The following DPYS variants were observed in gnomAD, a reference collection of about 807,000 sequenced individuals.
The protein encoded by DPYS is dihydropyrimidine amidohydrolase.
Under a neutral mutation model 50.3 loss-of-function variants are expected in DPYS, and 39 were observed. That is an observed-to-expected ratio of 0.78 (90% CI 0.60 to 1.01). The LOEUF (loss-of-function observed/expected upper bound fraction) is 1.01, where lower values mean the gene tolerates loss of function less well. Among genes scored for constraint, DPYS ranks in the 50% least tolerant of loss-of-function variants. The pLI is 0.00. For missense variants in DPYS, 659 were observed against 680.9 expected, an observed-to-expected ratio of 0.97 and a Z score of 0.36; for synonymous variants, 245 against 250.7, an observed-to-expected ratio of 0.98 and a Z score of 0.22.
chr8:104,450,461 T>A (rs1297557360), intron 2 of DPYS, among the ~76,000 whole-genome samples: 1 of 152,202 alleles, frequency 6.6e-6, no homozygotes, highest in Non-Finnish European at 1.5e-5. Context: ...GATTGCTGAA[T>A]TAAGTGCAAT....
intron 1 of DPYS, among the ~76,000 whole-genome samples, chr8:104,454,192 C>T (rs1813850582): frequency 6.6e-6 from 1 of 152,040 alleles, no homozygotes; most frequent in Admixed American, 6.6e-5. Context: ...TCAAGACAAG[C>T]CTGGCCAACA....
At chr8:104,417,866 C>T (rs1454258775) in intron 7 of DPYS, among the ~76,000 whole-genome samples, 1 of 152,190 alleles carries the variant, frequency 6.6e-6, no homozygotes, top group East Asian at 1.9e-4. Flanking sequence ...AATTCTCTCT[C>T]GCCATCCATC....
chr8:104,466,227 A>G (rs1219898392), intron 1 of DPYS, among the ~76,000 whole-genome samples: 3 of 152,172 alleles, frequency 2.0e-5, no homozygotes, highest in Non-Finnish European at 4.4e-5. Context: ...ATGGGTCGAA[A>G]TGGTTGGGAG....
chr8:104,451,455 G>C, intron 1 of DPYS, 51 bp from the exon 2 acceptor site: 7 of 1,610,064 alleles, frequency 4.3e-6, no homozygotes, highest in Non-Finnish European at 5.9e-6. Context: ...TCCTAGTTAA[G>C]TCATTTATCA....
At position 104,447,743 on chromosome 8, in the gene DPYS, TC is replaced by T. The variant is rs570278868; in HGVS notation, c.424-241del. On this transcript the variant is annotated intron_variant, in intron 2 of 9. Transcript: ENST00000351513. ...AAATCATGAAAAAGTGAATAGCTTT[TC>T]CCAAAGTGCTTTATTTCTGTACTTG... Among the ~76,000 whole-genome samples the T allele has an allele frequency of 3.9e-3, 591 of 152,332 alleles. 5 individuals are homozygous for T. The highest frequency in any genetic ancestry group is 0.014 in the African/African-American group (568 of 41,582).
At chr8:104,444,152 C>T in intron 4 of DPYS, 96 bp downstream of exon 4, 1 of 1,350,804 alleles carries the variant, frequency 7.4e-7, no homozygotes, top group Non-Finnish European at 1.0e-6. Context: ...TGGAAATCCA[C>T]ATGCACTTTC....
At chr8:104,436,430 C>A (rs562073347) in intron 4 of DPYS, among the ~76,000 whole-genome samples, 3 of 151,932 alleles carry the variant, frequency 2.0e-5, no homozygotes, top group Non-Finnish European at 2.9e-5. Flanking sequence ...GCCAACATGG[C>A]GAAACCCTGT....
chr8:104,440,914 A>G (rs1432554270), intron 4 of DPYS, among the ~76,000 whole-genome samples: 1 of 152,210 alleles, frequency 6.6e-6, no homozygotes, highest in Non-Finnish European at 1.5e-5. Flanking sequence ...TAGATAATAA[A>G]TGAGTACAGA....
At chr8:104,402,692 C>T (rs1048784826) in intron 7 of DPYS, among the ~76,000 whole-genome samples, 2 of 152,074 alleles carry the variant, frequency 1.3e-5, no homozygotes, top group Non-Finnish European at 2.9e-5. Flanking sequence ...ACATCCTTCC[C>T]GAAAGTACAC....
At chr8:104,460,480 TG>T (rs1814085995) in intron 1 of DPYS, among the ~76,000 whole-genome samples, 1 of 152,196 alleles carries the variant, frequency 6.6e-6, no homozygotes, top group South Asian at 2.1e-4. Context: ...CTGTACAGCC[TG>T]TGAAACTGTG....
chr8:104,417,583 G>A (rs1194399541), intron 7 of DPYS, among the ~76,000 whole-genome samples: 1 of 151,888 alleles, frequency 6.6e-6, no homozygotes, highest in Non-Finnish European at 1.5e-5. Flanking sequence ...CCTTAAATTT[G>A]AAACTTTGAC....
At chr8:104,413,761 A>G (rs1812273651) in intron 7 of DPYS, among the ~76,000 whole-genome samples, 1 of 152,248 alleles carries the variant, frequency 6.6e-6, no homozygotes, top group South Asian at 2.1e-4. Flanking sequence ...ATTTTAAAAA[A>G]TTGCAAAGTT....
At chr8:104,453,656 TAG>T (rs1813831116) in intron 1 of DPYS, among the ~76,000 whole-genome samples, 1 of 152,170 alleles carries the variant, frequency 6.6e-6, no homozygotes, top group Non-Finnish European at 1.5e-5. Context: ...CAGTTAAAGA[TAG>T]AGTTACCACA....
chr8:104,401,521 G>C (rs1261299347), intron 7 of DPYS, among the ~76,000 whole-genome samples: 1 of 152,092 alleles, frequency 6.6e-6, no homozygotes, highest in Non-Finnish European at 1.5e-5. Context: ...AAGCTACCTG[G>C]AAAGCATGCG....
At chr8:104,396,296 T>C (rs1811582684) in intron 7 of DPYS, among the ~76,000 whole-genome samples, 1 of 152,186 alleles carries the variant, frequency 6.6e-6, no homozygotes, top group African/African-American at 2.4e-5. Context: ...TTAGTAAGGT[T>C]GCTATATGAA....
intron 7 of DPYS, among the ~76,000 whole-genome samples, chr8:104,409,493 A>C (rs1442545441): frequency 6.6e-6 from 1 of 152,156 alleles, no homozygotes; most frequent in African/African-American, 2.4e-5. Context: ...TAATTAAATA[A>C]AATTTAAAAA....
intron 8 of DPYS, among the ~76,000 whole-genome samples, chr8:104,387,269 T>C (rs1811241872): frequency 6.6e-6 from 1 of 152,172 alleles, no homozygotes; most frequent in Non-Finnish European, 1.5e-5. Flanking sequence ...ATGTTTACAA[T>C]TTACCAAATA....
intron 1 of DPYS, among the ~76,000 whole-genome samples, chr8:104,456,613 G>A (rs940625079): frequency 6.6e-6 from 1 of 152,204 alleles, no homozygotes; most frequent in African/African-American, 2.4e-5. Context: ...AAGGATGGCT[G>A]GGGCCAATTT....
intron 7 of DPYS, among the ~76,000 whole-genome samples, chr8:104,401,064 T>C (rs1811785899): frequency 2.0e-5 from 3 of 152,104 alleles, no homozygotes; most frequent in Non-Finnish European, 4.4e-5. Flanking sequence ...ATAAATGACT[T>C]GTTTTAGGTA....
Sources: allele counts gnomAD v4.1 joint callset (sites outside exome capture counted in the v4.1 genomes callset), GRCh38; gene constraint gnomAD v4.1.1; transcripts MANE v1.5; gene names NCBI Gene and HGNC (gene_info 2026-07-23, HGNC 2026-07-21).